The following MSRA variants were observed in gnomAD, a reference collection of about 807,000 sequenced individuals.
The protein encoded by MSRA is mitochondrial peptide methionine sulfoxide reductase.
A neutral mutation model predicts 31.3 loss-of-function variants in MSRA; 54 were observed. That is an observed-to-expected ratio of 1.73 (90% CI 1.39 to 2.17). MSRA has a LOEUF of 2.17. Among genes scored for constraint, MSRA ranks in the 30% most tolerant of loss-of-function variants. The probability of loss-of-function intolerance (pLI) is 0.00; values close to 1 mark genes in which losing one functional copy is unlikely to be tolerated. For missense variants in MSRA, 507 were observed against 300.9 expected (o/e 1.69, Z -5.07); for synonymous variants, 169 against 116.5 (o/e 1.45, Z -2.90).
intron 1 of MSRA, among the ~76,000 whole-genome samples, chr8:10,125,024 T>G (rs564909027): frequency 2.6e-5 from 4 of 152,354 alleles, no homozygotes; most frequent in African/African-American, 9.6e-5. Context: ...GGTGCTTTGA[T>G]GCAATTCACC....
At position 10,074,058 on chromosome 8, in the gene MSRA, C is replaced by CTTTTTTTT. The variant is rs534642712; in HGVS notation, c.142+19433_142+19440dup. Among the ~76,000 whole-genome samples the CTTTTTTTT allele has an allele frequency of 3.7e-3, 109 of 29,456 alleles. 16 individuals carry two copies. The highest frequency in any genetic ancestry group is 5.1e-3 in the Non-Finnish European group (83 of 16,372). 19.3% of individuals were successfully genotyped at this position (29,456 alleles called of 152,430 possible). ...CATTTTGTTTTGTCTAAGGGAGGTG[C>CTTTTTTTT]TTTTTTTTTTTTTTTTTTTTTTTTT... On this transcript the variant is annotated intron_variant, in intron 1 of 5. Coordinates refer to ENST00000317173, the MANE Select transcript of MSRA (RefSeq NM_012331.5).
intron 2 of MSRA, among the ~76,000 whole-genome samples, chr8:10,212,638 A>G (rs11774220): frequency 0.33 from 50,638 of 152,130 alleles, 9,888 homozygotes; most frequent in Non-Finnish European, 0.46. Context: ...GAGTGAGGGA[A>G]TTGATCTGAT....
intron 3 of MSRA, among the ~76,000 whole-genome samples, chr8:10,260,161 C>T (rs371061226): frequency 8.3e-4 from 126 of 152,306 alleles, no homozygotes; most frequent in African/African-American, 1.7e-3. Context: ...AAGAAATGAG[C>T]GGCTGTGTGT....
rs369696237 is a variant in MSRA at position 10,314,712 on chromosome 8, A to C, written c.437-5171A>C. On this transcript the variant is annotated intron_variant, in intron 4 of 5. Coordinates refer to ENST00000317173, the MANE Select transcript of MSRA (RefSeq NM_012331.5). Reference sequence around the variant, plus strand: ...AGAATACATGTCAAGAATGTTCTTTACAGCCCCAGGCTGGTAATGTTCATT... The same window carrying C: ...AGAATACATGTCAAGAATGTTCTTTCCAGCCCCAGGCTGGTAATGTTCATT... Among the ~76,000 whole-genome samples, 73 of 152,348 alleles carry C rather than the reference A, an allele frequency of 4.8e-4. 1 individual carries two copies. The highest frequency in any genetic ancestry group is 2.3e-3 in the South Asian group (11 of 4,828).
chr8:10,060,553 A>G (rs964959865), intron 1 of MSRA, among the ~76,000 whole-genome samples: 31 of 151,720 alleles, frequency 2.0e-4, no homozygotes, highest in Non-Finnish European at 3.7e-4. Context: ...TGTGAATTAC[A>G]TAACTCCACT....
intron 3 of MSRA, among the ~76,000 whole-genome samples, chr8:10,291,238 C>G (rs562272355): frequency 6.6e-6 from 1 of 152,324 alleles, no homozygotes; most frequent in Non-Finnish European, 1.5e-5. Context: ...AAGGATATGT[C>G]TGTATAAAAT....
intron 5 of MSRA, among the ~76,000 whole-genome samples, chr8:10,348,160 C>T (rs569304068): frequency 6.6e-6 from 1 of 152,098 alleles, no homozygotes; most frequent in East Asian, 1.9e-4. Context: ...ATCCTGAGAC[C>T]ATATAGACAG....
intron 1 of MSRA, among the ~76,000 whole-genome samples, chr8:10,117,241 C>T (rs185583402): frequency 6.6e-6 from 1 of 152,020 alleles, no homozygotes; most frequent in Non-Finnish European, 1.5e-5. Flanking sequence ...GAAGAGAAGT[C>T]ACAAAGGATG....
At chr8:10,262,186 G>C (rs992621260) in intron 3 of MSRA, among the ~76,000 whole-genome samples, 1 of 152,126 alleles carries the variant, frequency 6.6e-6, no homozygotes, top group Non-Finnish European at 1.5e-5. Context: ...TGCTATTAAC[G>C]TTTGTGTACA....
intron 5 of MSRA, among the ~76,000 whole-genome samples, chr8:10,375,304 G>C (rs1805698402): frequency 6.6e-6 from 1 of 152,234 alleles, no homozygotes; most frequent in Middle Eastern, 3.2e-3. Context: ...GGCTTAGCCT[G>C]ATCAGGAGCT....
At chr8:10,336,685 G>A (rs970680299) in intron 5 of MSRA, 1 of 152,118 alleles carries the variant, frequency 6.6e-6, no homozygotes, top group African/African-American at 2.4e-5. Flanking sequence ...TTCCAGAGTT[G>A]TAACTTACAT....
chr8:10,283,274 T>C (rs1799731804), intron 3 of MSRA, among the ~76,000 whole-genome samples: 1 of 152,106 alleles, frequency 6.6e-6, no homozygotes. Flanking sequence ...CGGTGGATCC[T>C]GCATTTTGTC....
intron 2 of MSRA, among the ~76,000 whole-genome samples, chr8:10,223,059 C>A (rs988400576): frequency 1.3e-5 from 2 of 152,126 alleles, no homozygotes; most frequent in Admixed American, 6.5e-5. Context: ...CAATACATCA[C>A]GTTTTACACC....
intron 5 of MSRA, among the ~76,000 whole-genome samples, chr8:10,412,252 G>A (rs1401948536): frequency 6.6e-6 from 1 of 152,160 alleles, no homozygotes; most frequent in Admixed American, 6.5e-5. Flanking sequence ...GTTCTTAAGT[G>A]TTTCTTAATT....
intron 5 of MSRA, among the ~76,000 whole-genome samples, chr8:10,394,096 G>A (rs890539511): frequency 6.6e-6 from 1 of 152,212 alleles, no homozygotes; most frequent in Admixed American, 6.5e-5. Context: ...GACGGCATCT[G>A]CGTCTTGTAT....
At chr8:10,198,605 G>A (rs1407613379) in intron 1 of MSRA, among the ~76,000 whole-genome samples, 2 of 152,156 alleles carry the variant, frequency 1.3e-5, no homozygotes, top group South Asian at 2.1e-4. Flanking sequence ...GTCGAAGGGT[G>A]GAAATGCTTT....
intron 1 of MSRA, among the ~76,000 whole-genome samples, chr8:10,184,152 A>G (rs1806810584): frequency 6.7e-6 from 1 of 148,576 alleles, no homozygotes; most frequent in Non-Finnish European, 1.5e-5. Flanking sequence ...GTGTGTTGGT[A>G]GACTTGATAG....
chr8:10,256,477 C>G (rs1043069405), intron 3 of MSRA, among the ~76,000 whole-genome samples: 2 of 152,138 alleles, frequency 1.3e-5, no homozygotes, highest in Non-Finnish European at 2.9e-5. Flanking sequence ...TGCAAGAACT[C>G]TGGAGTGGGG....
intron 1 of MSRA, among the ~76,000 whole-genome samples, chr8:10,145,106 T>C (rs574847560): frequency 2.0e-5 from 3 of 152,160 alleles, no homozygotes; most frequent in African/African-American, 4.8e-5. Context: ...TTTGGAGAGA[T>C]TGCTATTAGC....
Sources: gnomAD v4.1 joint callset for allele counts (sites outside exome capture counted in the v4.1 genomes callset) on GRCh38, gnomAD v4.1.1 for gene constraint, MANE v1.5 for transcripts, NCBI Gene and HGNC (gene_info 2026-07-23, HGNC 2026-07-21) for gene names.